NUP210L: variants seen among roughly 807,000 people sequenced by gnomAD.
NUP210L encodes nucleoporin 210 like.
In NUP210L, 74 loss-of-function variants were observed where a neutral mutation model predicts 208.5. The ratio of observed to expected loss-of-function variants is 0.35; its 90% CI spans 0.29 to 0.43. The LOEUF is 0.43. Ranked by LOEUF, NUP210L falls within the 20% of genes least tolerant of loss-of-function variation. The probability of loss-of-function intolerance (pLI) is 1.00; values close to 1 mark genes in which losing one functional copy is unlikely to be tolerated. For synonymous variants in NUP210L, 780 were observed against 816.9 expected (o/e 0.95, Z 0.77); for missense variants, 1,843 against 2,289.4 (o/e 0.81, Z 3.98).
At chr1:154,073,107 C>T (rs541933372) in intron 16 of NUP210L, among the ~76,000 whole-genome samples, 2 of 152,190 alleles carry the variant, frequency 1.3e-5, no homozygotes, top group Admixed American at 6.5e-5. Flanking sequence ...AAAAAGTGGG[C>T]TAAGGATGTG....
intron 25 of NUP210L, among the ~76,000 whole-genome samples, chr1:154,047,399 C>T (rs1016822709): frequency 2.0e-5 from 3 of 152,108 alleles, no homozygotes; most frequent in Non-Finnish European, 4.4e-5. Flanking sequence ...CATAAACTGG[C>T]CCCAAAAATG....
At chr1:154,079,637 T>A (rs1459005846) in intron 16 of NUP210L, 1 of 152,562 alleles carries the variant, frequency 6.6e-6, no homozygotes, top group East Asian at 1.9e-4. Flanking sequence ...ATTATCTTTA[T>A]TTGTTAGATG....
chr1:154,126,414 A>T, exon 10 of NUP210L: 2 of 1,613,378 alleles, frequency 1.2e-6, no homozygotes, highest in Non-Finnish European at 1.7e-6. Flanking sequence ...CACGGTAGTT[A>T]GTTGCTCTTC....
intron 16 of NUP210L, among the ~76,000 whole-genome samples, chr1:154,082,481 G>A (rs1348068313): frequency 6.6e-6 from 1 of 152,152 alleles, no homozygotes; most frequent in Non-Finnish European, 1.5e-5. Flanking sequence ...AGAGCTTGTA[G>A]ATAGTTGAAC....
chr1:154,030,313 T>G (rs914988398), intron 27 of NUP210L, among the ~76,000 whole-genome samples: 1 of 151,936 alleles, frequency 6.6e-6, no homozygotes, highest in African/African-American at 2.4e-5. Flanking sequence ...CAATAACTTA[T>G]GAAAAAATTA....
chr1:154,100,970 C>T (rs1406243556), intron 13 of NUP210L, among the ~76,000 whole-genome samples: 2 of 151,644 alleles, frequency 1.3e-5, no homozygotes, highest in South Asian at 2.1e-4. Flanking sequence ...CTCGGGAGTT[C>T]GAGACCAGCC....
At chr1:154,052,575 A>G (rs1230274854) in intron 25 of NUP210L, among the ~76,000 whole-genome samples, 1 of 152,248 alleles carries the variant, frequency 6.6e-6, no homozygotes, top group African/African-American at 2.4e-5. Flanking sequence ...GGGCTGACAC[A>G]GAGAACAATT....
intron 33 of NUP210L, among the ~76,000 whole-genome samples, chr1:154,013,609 A>T (rs1278880781): frequency 6.6e-6 from 1 of 152,056 alleles, no homozygotes; most frequent in Non-Finnish European, 1.5e-5. Context: ...CAAAAACAAA[A>T]AAAACACACA....
At chr1:154,146,316 A>G (rs752921686) in intron 2 of NUP210L, among the ~76,000 whole-genome samples, 1 of 152,232 alleles carries the variant, frequency 6.6e-6, no homozygotes, top group Non-Finnish European at 1.5e-5. Flanking sequence ...AAATAATTGA[A>G]TAAATTAACT....
At chr1:154,025,832 T>G (rs904158086) in intron 29 of NUP210L, 116 bp from the exon 30 acceptor site, 45 of 767,848 alleles carry the variant, frequency 5.9e-5, no homozygotes, top group Admixed American at 2.6e-4. Context: ...CTGCTTGCCA[T>G]TCTCCACGTG....
At chr1:154,009,868 A>G in intron 35 of NUP210L, 104 bp downstream of exon 35, 1 of 906,566 alleles carries the variant, frequency 1.1e-6, no homozygotes, top group East Asian at 2.7e-5. Flanking sequence ...CCACAGTTAT[A>G]TATCAGATGA....
At chr1:154,078,191 C>T (rs1655139527) in intron 16 of NUP210L, among the ~76,000 whole-genome samples, 1 of 148,956 alleles carries the variant, frequency 6.7e-6, no homozygotes, top group Non-Finnish European at 1.5e-5. Context: ...CGTGCGTGTA[C>T]CTGTAGTCCC....
intron 17 of NUP210L, among the ~76,000 whole-genome samples, chr1:154,069,524 C>A (rs1654593913): frequency 6.6e-6 from 1 of 152,106 alleles, no homozygotes; most frequent in Non-Finnish European, 1.5e-5. Flanking sequence ...GTTAGAATGG[C>A]AATCACTAAA....
At chr1:153,992,747 C>T in exon 40 of NUP210L, 1 of 838,306 alleles carries the variant, frequency 1.2e-6, no homozygotes, top group Non-Finnish European at 1.9e-6. Flanking sequence ...TATCTGGAAA[C>T]TTAATGTAGA....
intron 27 of NUP210L, among the ~76,000 whole-genome samples, chr1:154,037,781 C>A (rs1482715857): frequency 1.3e-5 from 2 of 151,940 alleles, no homozygotes; most frequent in Non-Finnish European, 2.9e-5. Context: ...CGATTTCCAG[C>A]TAATTGTTGT....
chr1:154,123,867 G>A (rs1451662514), intron 10 of NUP210L, among the ~76,000 whole-genome samples: 1 of 150,360 alleles, frequency 6.7e-6, no homozygotes, highest in Non-Finnish European at 1.5e-5. Context: ...GACAGAGTGA[G>A]ACTGTCTCAA....
Position 154,149,583 on chromosome 1 carries a change from C to T in NUP210L, c.340+3153G>A, listed in dbSNP as rs1342860684. ...AACTAGCCAGGCCTGGTGGTGCCCC[C>T]CTGTAGTCCCAGCTACTCAGGAGGC... On this transcript the variant is annotated intron_variant, in intron 2 of 39. Coordinates refer to ENST00000368559, the Ensembl canonical transcript of NUP210L. 2.6e-5 allele frequency among the ~76,000 whole-genome samples: 4 copies of T among 152,080 alleles called. No homozygotes were observed. In the East Asian group the frequency reaches 7.7e-4, roughly 29 times the overall value.
chr1:154,145,164 T>G (rs1659054062), intron 2 of NUP210L, among the ~76,000 whole-genome samples: 2 of 151,524 alleles, frequency 1.3e-5, no homozygotes, highest in Non-Finnish European at 2.9e-5. Context: ...ACGCCTGTAA[T>G]CCCAGCACTT....
At chr1:154,004,495 G>A (rs996402073) in intron 35 of NUP210L, among the ~76,000 whole-genome samples, 14 of 152,078 alleles carry the variant, frequency 9.2e-5, no homozygotes, top group Admixed American at 3.3e-4. Flanking sequence ...AGCCTCCCAC[G>A]TAGCTGGGAT....
Sources: gnomAD v4.1 joint callset for allele counts (sites outside exome capture counted in the v4.1 genomes callset) on GRCh38, gnomAD v4.1.1 for gene constraint, MANE v1.5 for transcripts, NCBI Gene and HGNC (gene_info 2026-07-23, HGNC 2026-07-21) for gene names.